The following ZNF146 variants were observed in gnomAD, a reference collection of about 807,000 sequenced individuals.
ZNF146 encodes zinc finger protein OZF.
ZNF146 carries 9 observed loss-of-function variants against 22.2 expected under a neutral mutation model. The ratio of observed to expected loss-of-function variants is 0.41; its 90% confidence interval spans 0.24 to 0.71. The LOEUF is 0.71. Ranked by LOEUF, ZNF146 falls within the 30% of genes least tolerant of loss-of-function variation. The pLI is 0.34. For missense variants in ZNF146, 194 were observed against 344.8 expected (o/e 0.56, Z 3.46); for synonymous variants, 108 against 119.2 (o/e 0.91, Z 0.61).
intron 1 of ZNF146, among the ~76,000 whole-genome samples, chr19:36,216,046 C>T (rs1052735055): frequency 1.6e-4 from 24 of 152,084 alleles, no homozygotes; most frequent in African/African-American, 5.6e-4. Flanking sequence ...TCACCCCGCC[C>T]CCGCTGTCGT....
chr19:36,220,497 T>C (rs1976789767), intron 2 of ZNF146, among the ~76,000 whole-genome samples: 1 of 152,102 alleles, frequency 6.6e-6, no homozygotes, highest in African/African-American at 2.4e-5. Context: ...CCCGAGTAGC[T>C]GGGACTACAG....
intron 3 of ZNF146, among the ~76,000 whole-genome samples, chr19:36,230,366 C>T (rs1599983139): frequency 6.6e-6 from 1 of 152,140 alleles, no homozygotes; most frequent in African/African-American, 2.4e-5. Context: ...CTCCTAGGGA[C>T]GGTGTTATAA....
At chr19:36,223,280 A>T (rs1221131394) in intron 2 of ZNF146, among the ~76,000 whole-genome samples, 2 of 151,044 alleles carry the variant, frequency 1.3e-5, no homozygotes, top group African/African-American at 2.4e-5. Flanking sequence ...TTAGCCAGTC[A>T]TTGTGGTGCA....
At chr19:36,233,640 C>T (rs1022182039) in intron 3 of ZNF146, among the ~76,000 whole-genome samples, 3 of 152,156 alleles carry the variant, frequency 2.0e-5, no homozygotes, top group Non-Finnish European at 2.9e-5. Context: ...ACAAATGTCT[C>T]TGCATCATAA....
chr19:36,221,927 C>CT (rs60347994), intron 2 of ZNF146, among the ~76,000 whole-genome samples: 34,092 of 109,486 alleles, frequency 0.31, 5,534 homozygotes, highest in South Asian at 0.44. Context: ...TTTTTTCTTT[C>CT]TTTTTTTTTT....
At chr19:36,234,860 A>G (rs1355421852) in intron 3 of ZNF146, among the ~76,000 whole-genome samples, 1 of 152,158 alleles carries the variant, frequency 6.6e-6, no homozygotes, top group African/African-American at 2.4e-5. Context: ...TCCATTTCAT[A>G]TGAAGGTGTG....
intron 2 of ZNF146, among the ~76,000 whole-genome samples, chr19:36,227,742 G>A (rs1006448099): frequency 1.3e-5 from 2 of 152,090 alleles, no homozygotes; most frequent in African/African-American, 4.8e-5. Context: ...TTATAAGGAC[G>A]GTGTGTCACT....
chr19:36,237,228 C>G lies in ZNF146; in HGVS notation c.788C>G (p.Thr263Arg). The G allele has an allele frequency of 5.0e-6, 8 of 1,614,102 alleles. No individual in the cohort carries two copies. The highest frequency in any genetic ancestry group is 6.8e-6 in the Non-Finnish European group (8 of 1,179,990). The stretch of plus-strand genomic sequence containing the variant: ...CTTGCTCTGCATTTGAGAATACACA[C>G]AGGTAAGAAGCCTTATCAGTGCAGT... ...STLALHLRIH[T>R]GKKPYQCSEC... Residue 263 changes from threonine to arginine, a missense_variant, in exon 4 of 4, where the codon ACA becomes AGA. Thr to Arg is a moderately conservative substitution (Grantham distance 71). Coordinates refer to ENST00000443387, the MANE Select transcript of ZNF146 (RefSeq NM_007145.3).
At chr19:36,234,279 A>G (rs557915766) in intron 3 of ZNF146, among the ~76,000 whole-genome samples, 3 of 152,096 alleles carry the variant, frequency 2.0e-5, no homozygotes, top group African/African-American at 7.2e-5. Context: ...TCTTATGTCT[A>G]CTTCTTTCTA....
At chr19:36,217,155 C>T (rs184909490) in intron 1 of ZNF146, among the ~76,000 whole-genome samples, 34 of 149,564 alleles carry the variant, frequency 2.3e-4, no homozygotes, top group Admixed American at 1.8e-3. Context: ...CTCTGCCCCC[C>T]AGGTTCAAGC....
chr19:36,223,981 T>C (rs1255113709), intron 2 of ZNF146, among the ~76,000 whole-genome samples: 2 of 152,218 alleles, frequency 1.3e-5, no homozygotes, highest in Non-Finnish European at 2.9e-5. Flanking sequence ...TTGTTTTTAT[T>C]TTAATTTATA....
At chr19:36,221,927 C>CTTTTTTTT (rs60347994) in intron 2 of ZNF146, among the ~76,000 whole-genome samples, 4 of 109,912 alleles carry the variant, frequency 3.6e-5, no homozygotes, top group Admixed American at 1.1e-4. Context: ...TTTTTTCTTT[C>CTTTTTTTT]TTTTTTTTTT....
intron 2 of ZNF146, among the ~76,000 whole-genome samples, chr19:36,227,334 A>G (rs1214999146): frequency 6.6e-6 from 1 of 150,654 alleles, no homozygotes; most frequent in South Asian, 2.1e-4. Context: ...GGTTGCAGTG[A>G]GCAGAGATCA....
chr19:36,214,883 C>T (rs1976528252), upstream of ZNF146: 1 of 152,598 alleles, frequency 6.6e-6, no homozygotes, highest in Non-Finnish European at 1.5e-5. Flanking sequence ...TAAAGGACTA[C>T]TTACCTCAAG....
At chr19:36,232,236 TATGA>T (rs1435044401) in intron 3 of ZNF146, among the ~76,000 whole-genome samples, 2 of 150,852 alleles carry the variant, frequency 1.3e-5, no homozygotes, top group Non-Finnish European at 3.0e-5. Flanking sequence ...TGACTACAAA[TATGA>T]ACATATTTCT....
chr19:36,220,293 G>A (rs997558653), intron 2 of ZNF146, among the ~76,000 whole-genome samples: 1 of 151,586 alleles, frequency 6.6e-6, no homozygotes, highest in African/African-American at 2.4e-5. Context: ...GTCCATATTC[G>A]TATTTCTAAT....
intron 2 of ZNF146, among the ~76,000 whole-genome samples, chr19:36,222,316 A>ATTC (rs1180208448): frequency 6.6e-6 from 1 of 152,184 alleles, no homozygotes; most frequent in Non-Finnish European, 1.5e-5. Context: ...ACCATGGTTG[A>ATTC]TTCAGTTAAT....
chr19:36,230,688 G>GA (rs1734174943), intron 3 of ZNF146, among the ~76,000 whole-genome samples: 1 of 152,204 alleles, frequency 6.6e-6, no homozygotes, highest in Non-Finnish European at 1.5e-5. Context: ...GGCTGGAAGA[G>GA]AGAGGGCAAA....
chr19:36,216,162 A>G (rs75333181), intron 1 of ZNF146, among the ~76,000 whole-genome samples: 9,116 of 152,338 alleles, frequency 0.06, 393 homozygotes, highest in Middle Eastern at 0.099. Context: ...GTTAGAATAC[A>G]TAGTTGAAGA....
Sources: allele counts gnomAD v4.1 joint callset (sites outside exome capture counted in the v4.1 genomes callset), GRCh38; gene constraint gnomAD v4.1.1; transcripts MANE v1.5; gene names NCBI Gene and HGNC (gene_info 2026-07-23, HGNC 2026-07-21).